MRC1: variants seen among roughly 807,000 people sequenced by gnomAD.
MRC1 encodes macrophage mannose receptor 1.
MRC1 carries 62 observed loss-of-function variants against 102.9 expected under a neutral mutation model. The observed-to-expected ratio is 0.60, with a 90% CI of 0.49 to 0.74. MRC1 has a LOEUF of 0.74. MRC1 is among the 30% of genes least tolerant of loss of function. MRC1 has a pLI of 0.00. For synonymous variants in MRC1, 457 were observed against 298.4 expected, an observed-to-expected ratio of 1.53 and a Z score of -5.48; for missense variants, 1,237 against 862.8, an observed-to-expected ratio of 1.43 and a Z score of -5.43.
At chr10:17,830,321 G>C (rs1245432207) in intron 3 of MRC1, among the ~76,000 whole-genome samples, 1 of 151,028 alleles carries the variant, frequency 6.6e-6, no homozygotes, top group South Asian at 2.1e-4. Context: ...GAGTAGAGAA[G>C]GGGTTTCACC....
At chr10:17,875,633 T>C (rs568305378) in intron 17 of MRC1, among the ~76,000 whole-genome samples, 7 of 152,286 alleles carry the variant, frequency 4.6e-5, no homozygotes, top group Admixed American at 3.9e-4. Flanking sequence ...CCATGGTATG[T>C]CTATACCACA....
intron 23 of MRC1, among the ~76,000 whole-genome samples, chr10:17,895,850 A>C (rs1393385981): frequency 6.6e-6 from 1 of 152,256 alleles, no homozygotes; most frequent in Non-Finnish European, 1.5e-5. Context: ...GCAGCAGCAG[A>C]CATAGTGCTT....
rs1435282235 is a variant in MRC1, at chr10:17,852,997, A to C, written c.1280A>C (p.Asn427Thr). The change falls in exon 8 of 30, where the codon AAT becomes ACT. Residue 427 changes from asparagine to threonine, a missense_variant. Coordinates refer to ENST00000569591, the MANE Select transcript of MRC1 (RefSeq NM_002438.4). ...AATGACGAATTGTGGATCGGCTTAA[A>C]TGACATTAAGATTCAAATGTACTTT... ...EPNDELWIGLNDIKIQMYFEW... is the reference protein window; with the variant it reads ...EPNDELWIGLTDIKIQMYFEW... 3.8e-6 allele frequency: 3 copies of C among 780,714 alleles called. No individual in the cohort carries two copies. In the African/African-American group the frequency reaches 5.1e-5, roughly 13 times the overall value. 48.4% of individuals were successfully genotyped at this position (780,714 alleles called of 1,614,324 possible).
chr10:17,826,059 G>A (rs1838469865), intron 2 of MRC1, among the ~76,000 whole-genome samples: 1 of 151,910 alleles, frequency 6.6e-6, no homozygotes, highest in South Asian at 2.1e-4. Flanking sequence ...TATTTAAAGA[G>A]GACTTGATAA....
chr10:17,883,267 A>G (rs1833543622), intron 21 of MRC1, among the ~76,000 whole-genome samples: 1 of 152,126 alleles, frequency 6.6e-6, no homozygotes, highest in Admixed American at 6.5e-5. Context: ...AGCTGGGACT[A>G]CAGGTGTGCA....
intron 25 of MRC1, among the ~76,000 whole-genome samples, chr10:17,901,423 T>C (rs1833826531): frequency 6.6e-6 from 1 of 152,226 alleles, no homozygotes; most frequent in South Asian, 2.1e-4. Flanking sequence ...GTGCGGTGGC[T>C]CACCCCTGTA....
chr10:17,891,250 A>C (rs886442397), intron 22 of MRC1, among the ~76,000 whole-genome samples: 1 of 151,164 alleles, frequency 6.6e-6, no homozygotes, highest in Non-Finnish European at 1.5e-5. Context: ...CACTACAAGC[A>C]CCGCCTCCCG....
chr10:17,841,535 G>T (rs2130626989), intron 5 of MRC1, among the ~76,000 whole-genome samples: 1 of 152,236 alleles, frequency 6.6e-6, no homozygotes, highest in South Asian at 2.1e-4. Context: ...GATAGAAAAT[G>T]CTGTGAACTA....
At chr10:17,909,111 G>C (rs1442816430) in intron 28 of MRC1, among the ~76,000 whole-genome samples, 195 bp from the exon 29 acceptor site, 1 of 152,068 alleles carries the variant, frequency 6.6e-6, no homozygotes, top group East Asian at 1.9e-4. Flanking sequence ...ATAGATGATA[G>C]GTAGGTAGAT....
chr10:17,860,972 C>T (rs1337301309), intron 9 of MRC1, among the ~76,000 whole-genome samples: 1 of 152,132 alleles, frequency 6.6e-6, no homozygotes, highest in South Asian at 2.1e-4. Context: ...TTAGACATTC[C>T]TATTGTTTAT....
intron 2 of MRC1, 122 bp downstream of exon 2, chr10:17,823,597 T>G: frequency 1.4e-6 from 1 of 732,826 alleles, no homozygotes; most frequent in South Asian, 1.6e-5. Flanking sequence ...TTGATCAGCA[T>G]CTTTGTGTTT....
At chr10:17,847,622 A>G (rs963339212) in intron 6 of MRC1, among the ~76,000 whole-genome samples, 2 of 152,202 alleles carry the variant, frequency 1.3e-5, no homozygotes, top group Non-Finnish European at 2.9e-5. Context: ...CCGTTTGTCC[A>G]TAATCCTCAG....
chr10:17,858,119 CCATT>C (rs1833122500), intron 9 of MRC1, among the ~76,000 whole-genome samples: 1 of 152,028 alleles, frequency 6.6e-6, no homozygotes, highest in Admixed American at 6.6e-5. Flanking sequence ...AGAAATGAAA[CCATT>C]CATCAGCCAC....
At chr10:17,845,814 T>G (rs1554840183) in intron 6 of MRC1, among the ~76,000 whole-genome samples, 2 of 152,158 alleles carry the variant, frequency 1.3e-5, no homozygotes, top group South Asian at 4.1e-4. Flanking sequence ...TTATATTAGG[T>G]CCTCACGGCT....
At chr10:17,845,488 G>A in intron 6 of MRC1, 53 bp downstream of exon 6, 1 of 779,588 alleles carries the variant, frequency 1.3e-6, no homozygotes, top group Non-Finnish European at 2.4e-6. Flanking sequence ...TGAAAGATAA[G>A]TAACATTACA....
chr10:17,866,269 G>A (rs918036814), intron 11 of MRC1, among the ~76,000 whole-genome samples: 2 of 139,506 alleles, frequency 1.4e-5, no homozygotes, highest in Non-Finnish European at 3.3e-5. Flanking sequence ...ACCAGAAAGG[G>A]GAGGAAGGGA....
At chr10:17,815,849 T>C (rs1838302699) in intron 1 of MRC1, among the ~76,000 whole-genome samples, 1 of 151,058 alleles carries the variant, frequency 6.6e-6, no homozygotes. Flanking sequence ...TTTTTTGAGA[T>C]GGTGTCTCAC....
chr10:17,813,855 G>A (rs1284918435), intron 1 of MRC1, among the ~76,000 whole-genome samples: 2 of 151,696 alleles, frequency 1.3e-5, no homozygotes, highest in African/African-American at 4.8e-5. Context: ...ATGCCACCAT[G>A]CCTGGCTAAC....
intron 10 of MRC1, 114 bp from the exon 11 acceptor site, chr10:17,863,420 A>G (rs1833213994): frequency 5.4e-6 from 4 of 734,096 alleles, no homozygotes; most frequent in Non-Finnish European, 1.0e-5. Context: ...TATTTGAATT[A>G]CCAGTTCAGT....
Sources: gnomAD v4.1 joint callset for allele counts (sites outside exome capture counted in the v4.1 genomes callset) on GRCh38, gnomAD v4.1.1 for gene constraint, MANE v1.5 for transcripts, NCBI Gene and HGNC (gene_info 2026-07-23, HGNC 2026-07-21) for gene names.